The following RALYL variants were observed in gnomAD, a reference collection of about 807,000 sequenced individuals.
RALYL encodes RALY RNA binding protein like.
Under a neutral mutation model 35.1 loss-of-function variants are expected in RALYL, and 29 were observed. The ratio of observed to expected loss-of-function variants is 0.83; its 90% CI spans 0.61 to 1.13. The LOEUF (loss-of-function observed/expected upper bound fraction) is 1.13. Ranked by LOEUF, RALYL falls within the 50% of genes most tolerant of loss-of-function variation. RALYL has a pLI of 0.00. For missense variants in RALYL, 359 were observed against 360.4 expected (o/e 1.00, Z 0.03); for synonymous variants, 120 against 127.6 (o/e 0.94, Z 0.40).
intron 1 of RALYL, among the ~76,000 whole-genome samples, chr8:84,223,055 C>G (rs990420202): frequency 6.6e-6 from 1 of 151,428 alleles, no homozygotes; most frequent in African/African-American, 2.4e-5. Flanking sequence ...TCTTATCTTG[C>G]TTCCCTTTCT....
At chr8:84,321,831 A>G (rs1224443639) in intron 1 of RALYL, among the ~76,000 whole-genome samples, 1 of 152,134 alleles carries the variant, frequency 6.6e-6, no homozygotes, top group Non-Finnish European at 1.5e-5. Context: ...AAGTAAAGAA[A>G]TGGTGACAAA....
At chr8:84,655,888 A>ATT (rs1829864213) in intron 2 of RALYL, among the ~76,000 whole-genome samples, 1 of 152,190 alleles carries the variant, frequency 6.6e-6, no homozygotes. Flanking sequence ...TGTTTCAGAA[A>ATT]TTAAGAGTAG....
chr8:84,351,685 C>T (rs1850921930), intron 1 of RALYL, among the ~76,000 whole-genome samples: 1 of 149,694 alleles, frequency 6.7e-6, no homozygotes. Flanking sequence ...TTAAGACTAC[C>T]TTGTTTTTTA....
chr8:84,232,338 G>A (rs1825567943), intron 1 of RALYL, among the ~76,000 whole-genome samples: 1 of 152,088 alleles, frequency 6.6e-6, no homozygotes. Context: ...ACAAGTGAGA[G>A]ATGAAAGGTT....
At chr8:84,730,173 A>G (rs1845869743) in intron 2 of RALYL, among the ~76,000 whole-genome samples, 1 of 152,030 alleles carries the variant, frequency 6.6e-6, no homozygotes, top group Non-Finnish European at 1.5e-5. Flanking sequence ...GCACATCAAA[A>G]AGCTTATCCA....
intron 2 of RALYL, among the ~76,000 whole-genome samples, chr8:84,580,418 A>G (rs889765355): frequency 2.0e-5 from 3 of 152,168 alleles, no homozygotes; most frequent in African/African-American, 7.2e-5. Flanking sequence ...GCTTTCACTC[A>G]AAGTGGAAGA....
intron 1 of RALYL, among the ~76,000 whole-genome samples, chr8:84,269,688 A>T (rs1833942482): frequency 6.6e-6 from 1 of 152,150 alleles, no homozygotes; most frequent in South Asian, 2.1e-4. Flanking sequence ...ATAATTCTTA[A>T]GAAAGATCAT....
intron 1 of RALYL, among the ~76,000 whole-genome samples, chr8:84,477,649 A>T (rs1481012798): frequency 1.3e-5 from 2 of 151,406 alleles, no homozygotes; most frequent in African/African-American, 2.4e-5. Context: ...TCCCTCTCAT[A>T]TTCACTTTCT....
chr8:84,831,764 G>A (rs1472405073), intron 4 of RALYL, among the ~76,000 whole-genome samples: 2 of 152,040 alleles, frequency 1.3e-5, no homozygotes, highest in African/African-American at 4.8e-5. Flanking sequence ...AAAATTGACA[G>A]TAATCAGTGG....
intron 2 of RALYL, among the ~76,000 whole-genome samples, chr8:84,563,240 A>G (rs1042873735): frequency 5.3e-5 from 8 of 151,908 alleles, no homozygotes; most frequent in Non-Finnish European, 4.4e-5. Flanking sequence ...TAATTTCTAC[A>G]TAAGATTCCA....
intron 1 of RALYL, among the ~76,000 whole-genome samples, chr8:84,409,622 T>G (rs1786853763): frequency 6.6e-6 from 1 of 151,984 alleles, no homozygotes; most frequent in African/African-American, 2.4e-5. Flanking sequence ...TCACTTAAGT[T>G]TATGACATTT....
At chr8:84,481,706 G>A (rs1303963437) in intron 1 of RALYL, among the ~76,000 whole-genome samples, 5 of 152,234 alleles carry the variant, frequency 3.3e-5, no homozygotes, top group Admixed American at 1.3e-4. Context: ...CAAATCATAC[G>A]AAGGTAGGCA....
intron 1 of RALYL, among the ~76,000 whole-genome samples, chr8:84,289,582 A>G (rs950588983): frequency 2.0e-5 from 3 of 151,978 alleles, no homozygotes; most frequent in African/African-American, 2.4e-5. Flanking sequence ...GAGGATTTCC[A>G]TTTTGCTATG....
intron 7 of RALYL, among the ~76,000 whole-genome samples, chr8:84,880,199 A>C (rs1198531856): frequency 6.6e-6 from 1 of 152,058 alleles, no homozygotes; most frequent in Non-Finnish European, 1.5e-5. Flanking sequence ...ATCTTAAGAA[A>C]AATATTCCTG....
At chr8:84,433,892 A>G (rs914176367) in intron 1 of RALYL, among the ~76,000 whole-genome samples, 1 of 151,658 alleles carries the variant, frequency 6.6e-6, no homozygotes, top group African/African-American at 2.4e-5. Flanking sequence ...GAAAATATAT[A>G]TATTCAAATT....
intron 2 of RALYL, among the ~76,000 whole-genome samples, chr8:84,600,039 C>T (rs1176137560): frequency 6.6e-6 from 1 of 151,590 alleles, no homozygotes; most frequent in Non-Finnish European, 1.5e-5. Flanking sequence ...CTTTGCCAGA[C>T]TGATCGGTAA....
intron 1 of RALYL, among the ~76,000 whole-genome samples, chr8:84,458,341 A>G (rs2050372802): frequency 6.6e-6 from 1 of 151,878 alleles, no homozygotes; most frequent in Admixed American, 6.6e-5. Flanking sequence ...ATGAGGGCAT[A>G]AAAGTACAAT....
chr8:84,704,339 C>T (rs1014010028), intron 2 of RALYL, among the ~76,000 whole-genome samples: 4 of 151,898 alleles, frequency 2.6e-5, no homozygotes, highest in Non-Finnish European at 5.9e-5. Context: ...GCAGGAGAAT[C>T]GCTTGAACCT....
intron 1 of RALYL, among the ~76,000 whole-genome samples, chr8:84,257,741 C>T (rs1282023978): frequency 1.3e-5 from 2 of 152,086 alleles, no homozygotes; most frequent in Admixed American, 1.3e-4. Flanking sequence ...AGCTATCTAA[C>T]TGGAAAGGTA....
Sources: allele counts gnomAD v4.1 joint callset (sites outside exome capture counted in the v4.1 genomes callset), GRCh38; gene constraint gnomAD v4.1.1; transcripts MANE v1.5; gene names NCBI Gene and HGNC (gene_info 2026-07-23, HGNC 2026-07-21).